Variants in CAMK2B observed in about 807,000 individuals in gnomAD.
CAMK2B encodes the protein calcium/calmodulin-dependent protein kinase type II subunit beta.
Under a neutral mutation model 93.7 loss-of-function variants are expected in CAMK2B, and 27 were observed. That is an observed-to-expected ratio of 0.29 (90% CI 0.21 to 0.40). The LOEUF (loss-of-function observed/expected upper bound fraction) is 0.40, where lower values mean the gene tolerates loss of function less well. Ranked by LOEUF, CAMK2B falls within the 10% of genes least tolerant of loss-of-function variation. The pLI, the probability that CAMK2B is intolerant of heterozygous loss-of-function variation, is 1.00. For missense variants in CAMK2B, 568 were observed against 895.8 expected, an observed-to-expected ratio of 0.63 and a Z score of 4.67; for synonymous variants, 374 against 358.8, an observed-to-expected ratio of 1.04 and a Z score of -0.48.
chr7:44,232,598 G>A (rs1007879072), intron 16 of CAMK2B, among the ~76,000 whole-genome samples: 28 of 152,320 alleles, frequency 1.8e-4, no homozygotes, highest in Middle Eastern at 6.8e-3. Context: ...CATGGGGACC[G>A]GGCGCAACTG....
intron 4 of CAMK2B, among the ~76,000 whole-genome samples, chr7:44,257,909 C>T (rs1057343785): frequency 2.6e-5 from 4 of 152,260 alleles, no homozygotes; most frequent in African/African-American, 7.2e-5. Flanking sequence ...TCGGCCTGCA[C>T]GCTCACAGCA....
Position 44,271,778 on chromosome 7 carries a change from T to A in CAMK2B, c.161-8714A>T, listed in dbSNP as rs2096976855. ...TGGGCCATGCGGCAGGGACTGCCCA[T>A]CCAGTCTCAGGGTGCAGGCCGGTTT... is the stretch of plus-strand genomic sequence containing the variant. On this transcript the variant is annotated intron_variant, in intron 2 of 23. Coordinates refer to ENST00000395749, the MANE Select transcript of CAMK2B (RefSeq NM_001220.5). The surrounding 1 kb of genome is among the most constrained non-coding windows in gnomAD (Gnocchi z 4.2). Among the ~76,000 whole-genome samples the A allele has an allele frequency of 6.6e-6, 1 of 152,218 alleles. No homozygotes were observed. Among genetic ancestry groups the A allele is most frequent in the Non-Finnish European group, 1.5e-5 (1 of 68,022 alleles).
chr7:44,281,748 T>G (rs371135566), intron 2 of CAMK2B, among the ~76,000 whole-genome samples: 30 of 152,252 alleles, frequency 2.0e-4, no homozygotes, highest in African/African-American at 7.0e-4. Flanking sequence ...ACTGAAATCC[T>G]GGTTACAGAG....
intron 13 of CAMK2B, among the ~76,000 whole-genome samples, chr7:44,237,764 G>A (rs116667954): frequency 6.8e-4 from 104 of 152,322 alleles, no homozygotes; most frequent in African/African-American, 2.3e-3. Context: ...GGTAGGCGGA[G>A]CAGTCACAGG....
At chr7:44,283,534 G>GGACAGGCGGAGTGCCCTGCCAC (rs1162190806) in intron 2 of CAMK2B, among the ~76,000 whole-genome samples, 3 of 152,232 alleles carry the variant, frequency 2.0e-5, no homozygotes, top group Non-Finnish European at 4.4e-5. Context: ...AGCCCTCCCA[G>GGACAGGCGGAGTGCCCTGCCAC]GACAGGCGGA....
intron 2 of CAMK2B, among the ~76,000 whole-genome samples, chr7:44,269,808 C>T (rs1046277988): frequency 3.9e-5 from 6 of 152,094 alleles, no homozygotes; most frequent in African/African-American, 1.2e-4. Context: ...GGAGGCCCAA[C>T]GGGTAAGCTC....
At chr7:44,303,157 C>T (rs1441629422) in intron 1 of CAMK2B, among the ~76,000 whole-genome samples, 1 of 152,128 alleles carries the variant, frequency 6.6e-6, no homozygotes, top group Non-Finnish European at 1.5e-5. Context: ...ATTTACATTT[C>T]ATCCCCCAAA....
At chr7:44,320,288 G>A (rs915190088) in intron 1 of CAMK2B, among the ~76,000 whole-genome samples, 26 of 152,148 alleles carry the variant, frequency 1.7e-4, no homozygotes, top group Admixed American at 2.6e-4. Context: ...GTGAGCAGCC[G>A]GCCAAGGACA....
intron 1 of CAMK2B, among the ~76,000 whole-genome samples, chr7:44,307,885 C>A (rs1442817595): frequency 6.6e-6 from 1 of 151,946 alleles, no homozygotes; most frequent in African/African-American, 2.4e-5. Context: ...TTTTTTTTAA[C>A]TGGGGGGCCT....
intron 2 of CAMK2B, among the ~76,000 whole-genome samples, chr7:44,272,188 G>A (rs764510881): frequency 2.6e-5 from 4 of 152,304 alleles, no homozygotes; most frequent in Non-Finnish European, 2.9e-5. Flanking sequence ...GAATTGGGGG[G>A]GTGGGCAGCG....
chr7:44,304,764 T>G (rs961921838), intron 1 of CAMK2B, among the ~76,000 whole-genome samples: 7 of 152,190 alleles, frequency 4.6e-5, no homozygotes, highest in African/African-American at 1.7e-4. Flanking sequence ...GTTAATAATA[T>G]ATTAATATTG....
intron 2 of CAMK2B, among the ~76,000 whole-genome samples, chr7:44,265,685 G>C (rs567287899): frequency 6.6e-6 from 1 of 152,292 alleles, no homozygotes; most frequent in South Asian, 2.1e-4. Context: ...ACCTATTCCT[G>C]AGCATGTGTT....
At chr7:44,243,741 C>G (rs567798947) in intron 6 of CAMK2B, among the ~76,000 whole-genome samples, 1 of 152,328 alleles carries the variant, frequency 6.6e-6, no homozygotes, top group African/African-American at 2.4e-5. Context: ...CCCTCTGCCC[C>G]TGGGGACAGA....
intron 5 of CAMK2B, among the ~76,000 whole-genome samples, chr7:44,247,958 G>A (rs2096747339): frequency 6.6e-6 from 1 of 152,214 alleles, no homozygotes; most frequent in South Asian, 2.1e-4. Context: ...GAACCCAGGA[G>A]GTGGAGGTTG....
At chr7:44,270,082 C>G (rs10282034) in intron 2 of CAMK2B, among the ~76,000 whole-genome samples, 32,557 of 151,932 alleles carry the variant, frequency 0.21, 3,778 homozygotes, top group Non-Finnish European at 0.27. Context: ...GTACCCCCCC[C>G]CCATTCCAGG....
At chr7:44,301,543 G>A (rs1421319558) in intron 1 of CAMK2B, among the ~76,000 whole-genome samples, 2 of 152,140 alleles carry the variant, frequency 1.3e-5, no homozygotes, top group Non-Finnish European at 1.5e-5. Flanking sequence ...TTGGGAGGCC[G>A]AGGTGAGCGG....
chr7:44,295,254 C>T (rs1157523304), intron 1 of CAMK2B, among the ~76,000 whole-genome samples: 1 of 152,228 alleles, frequency 6.6e-6, no homozygotes, highest in African/African-American at 2.4e-5. Flanking sequence ...AAACATTGGT[C>T]TAGCATGTGA....
intron 1 of CAMK2B, among the ~76,000 whole-genome samples, chr7:44,290,620 T>G (rs1021391521): frequency 1.8e-4 from 27 of 152,356 alleles, no homozygotes; most frequent in African/African-American, 6.3e-4. Context: ...TGGGTGAAAC[T>G]AAACCAAATT....
chr7:44,264,452 C>G (rs903468936), intron 2 of CAMK2B, among the ~76,000 whole-genome samples: 2 of 152,136 alleles, frequency 1.3e-5, no homozygotes, highest in Non-Finnish European at 2.9e-5. Context: ...GAGCGGCATC[C>G]CCTGGCTCCC....
Sources: gnomAD v4.1 joint callset for allele counts (sites outside exome capture counted in the v4.1 genomes callset) on GRCh38, gnomAD v4.1.1 for gene constraint, Gnocchi (gnomAD v3.1) non-coding constraint, MANE v1.5 for transcripts, NCBI Gene and HGNC (gene_info 2026-07-23, HGNC 2026-07-21) for gene names.